The following SP140L variants were observed in gnomAD, a reference collection of about 807,000 sequenced individuals.
SP140L encodes nuclear body protein SP140-like protein.
Under a neutral mutation model 84.3 loss-of-function variants are expected in SP140L, and 64 were observed. The observed-to-expected ratio is 0.76, with a 90% CI of 0.62 to 0.94. SP140L has a LOEUF of 0.94. SP140L is among the 40% of genes least tolerant of loss of function. The probability of loss-of-function intolerance (pLI) is 0.00; values close to 1 mark genes in which losing one functional copy is unlikely to be tolerated. For synonymous variants in SP140L, 242 were observed against 236.9 expected (o/e 1.02, Z -0.20); for missense variants, 628 against 692.5 (o/e 0.91, Z 1.05).
At chr2:230,381,621 C>A (rs775874947) in intron 7 of SP140L, among the ~76,000 whole-genome samples, 8 of 151,640 alleles carry the variant, frequency 5.3e-5, no homozygotes, top group Non-Finnish European at 8.8e-5. Context: ...TTTGGGAGAC[C>A]AAGGCAGAAG....
rs77084472 is a variant in SP140L at position 230,399,580 on chromosome 2, G to A, written c.1198-547G>A. Among the ~76,000 whole-genome samples, 522 of 152,272 alleles carry A rather than the reference G, an allele frequency of 3.4e-3. 3 individuals carry two copies. Among genetic ancestry groups the A allele is most frequent in the African/African-American group, 0.012 (506 of 41,556 alleles). ...GCCCACCTGGTCATGTGTACTCATGGTCCTTCCCCCTCAAAGGTAGGTGCA... is the reference window on the plus strand; with the variant it reads ...GCCCACCTGGTCATGTGTACTCATGATCCTTCCCCCTCAAAGGTAGGTGCA... On this transcript the variant is annotated intron_variant, in intron 14 of 18. Transcript: ENST00000415673.
chr2:230,336,606 T>C (rs1360340271), intron 2 of SP140L, among the ~76,000 whole-genome samples: 3 of 152,224 alleles, frequency 2.0e-5, no homozygotes. Context: ...TTATAACCTC[T>C]TCATTACACA....
At chr2:230,388,889 C>T in intron 10 of SP140L, 1 of 341,496 alleles carries the variant, frequency 2.9e-6, no homozygotes. Flanking sequence ...TGATAAATTT[C>T]AAGGCTGAAG....
At chr2:230,366,092 C>T (rs1475113458) in intron 5 of SP140L, among the ~76,000 whole-genome samples, 2 of 152,048 alleles carry the variant, frequency 1.3e-5, no homozygotes, top group Admixed American at 1.3e-4. Context: ...ATATTTCACT[C>T]CTGTAGAATA....
intron 14 of SP140L, among the ~76,000 whole-genome samples, chr2:230,398,867 G>A (rs2062180539): frequency 6.6e-6 from 1 of 152,216 alleles, no homozygotes. Flanking sequence ...GAGTGTGATT[G>A]GCTTGTTTGA....
chr2:230,334,989 TTC>T (rs1437818835), intron 2 of SP140L, among the ~76,000 whole-genome samples: 8 of 152,094 alleles, frequency 5.3e-5, no homozygotes, highest in African/African-American at 1.9e-4. Context: ...GTATCGAAAT[TTC>T]TCTTATAAAG....
intron 5 of SP140L, among the ~76,000 whole-genome samples, chr2:230,363,052 A>G (rs1215643087): frequency 6.6e-6 from 1 of 152,174 alleles, no homozygotes; most frequent in Non-Finnish European, 1.5e-5. Context: ...TCAGCTTTAC[A>G]ATGGCTTTAT....
intron 2 of SP140L, among the ~76,000 whole-genome samples, chr2:230,341,312 G>A (rs1456113094): frequency 4.3e-5 from 6 of 138,978 alleles, no homozygotes; most frequent in Non-Finnish European, 6.2e-5. Flanking sequence ...CATTCTTCAC[G>A]TAGTTCTCGA....
chr2:230,384,489 T>G (rs1361160398), intron 8 of SP140L, among the ~76,000 whole-genome samples: 4 of 152,244 alleles, frequency 2.6e-5, no homozygotes, highest in Non-Finnish European at 5.9e-5. Flanking sequence ...AGAGTCCTAT[T>G]GAAAATTGTT....
rs776764928 is a variant in SP140L, at chr2:230,385,216, A to G, written c.704-8A>G. On this transcript the variant is annotated splice_polypyrimidine_tract_variant and splice_region_variant and intron_variant, in intron 8 of 18. Coordinates refer to ENST00000415673, the MANE Select transcript of SP140L (RefSeq NM_138402.6). The stretch of plus-strand genomic sequence containing the variant: ...TCTATTAATACATTTTCCCTTGCCT[A>G]TCCCCAGATAACAGCAAAGCCGATG... 1.9e-6 allele frequency: 3 copies of G among 1,613,180 alleles called. No homozygotes were observed. Among genetic ancestry groups the G allele is most frequent in the African/African-American group, 2.7e-5 (2 of 74,852 alleles).
At chr2:230,341,542 T>C (rs1192205161) in intron 2 of SP140L, among the ~76,000 whole-genome samples, 4 of 151,572 alleles carry the variant, frequency 2.6e-5, no homozygotes, top group African/African-American at 7.3e-5. Context: ...TGAGGAACTG[T>C]GTTCCTTTGG....
Position 230,357,954 on chromosome 2 carries a change from A to G in SP140L, c.257A>G (p.Asn86Ser). ...CTCCGCGATCGGGAACTCATCACAA[A>G]TAAAATGTTTGAAGTAAGTAAAGTT... ...EGLRDRELIT[N>S]KMFEDSEDSC... The change falls in exon 3 of 19, where the codon AAT becomes AGT. Residue 86 changes from asparagine (N) to serine (S), a missense_variant. Physicochemically the swap from Asn to Ser is conservative, Grantham distance 46 (BLOSUM62 1). Around this residue, in one of 4 missense-constraint regions of SP140L, gnomAD observed 525 missense variants for 518.4 expected, o/e 1.01. Coordinates refer to ENST00000415673, the MANE Select transcript of SP140L (RefSeq NM_138402.6). 6.2e-7 allele frequency: 1 copy of G among 1,613,042 alleles called. No homozygotes were observed. The highest frequency in any genetic ancestry group is 2.2e-5 in the East Asian group (1 of 44,876).
At chr2:230,387,584 T>A (rs762097781) in intron 9 of SP140L, among the ~76,000 whole-genome samples, 14 of 152,176 alleles carry the variant, frequency 9.2e-5, no homozygotes, top group Non-Finnish European at 1.6e-4. Context: ...GGAAAATATT[T>A]TTCCATGGGG....
rs1329680957 is a variant in SP140L at position 230,370,929 on chromosome 2, A to G, written c.545A>G (p.Glu182Gly). The G allele has an allele frequency of 1.9e-6, 3 of 1,613,776 alleles. No homozygotes were observed. The South Asian group carries it at 3.3e-5, about 18-fold the overall frequency. The change falls in exon 6 of 19, where the codon GAA (glutamate) becomes GGA (glycine). Residue 182 changes from glutamate (E) to glycine (G), a missense_variant. Around this residue, in one of 4 missense-constraint regions of SP140L, gnomAD observed 525 missense variants for 518.4 expected, o/e 1.01. Coordinates refer to ENST00000415673, the MANE Select transcript of SP140L (RefSeq NM_138402.6). The stretch of plus-strand genomic sequence containing the variant: ...TCAGGAGAAGTGCCAGAAAGCCCGG[A>G]AGCAAGGAAGGAAAGTGACCAAGCA... ...LKQGEVPESPEARKESDQACG... is the reference protein window; with the variant it reads ...LKQGEVPESPGARKESDQACG...
At chr2:230,362,516 G>A (rs1292486021) in intron 5 of SP140L, among the ~76,000 whole-genome samples, 1 of 151,976 alleles carries the variant, frequency 6.6e-6, no homozygotes, top group Non-Finnish European at 1.5e-5. Context: ...GAGGATGTAG[G>A]TATTGAGAGA....
At chr2:230,382,772 A>G (rs1436767603) in intron 7 of SP140L, among the ~76,000 whole-genome samples, 1 of 152,208 alleles carries the variant, frequency 6.6e-6, no homozygotes, top group Non-Finnish European at 1.5e-5. Flanking sequence ...CGGGAAGGAG[A>G]TGATCCCTTT....
At chr2:230,389,788 C>A in intron 10 of SP140L, 131 bp from the exon 11 acceptor site, 1 of 896,600 alleles carries the variant, frequency 1.1e-6, no homozygotes, top group Non-Finnish European at 1.7e-6. Context: ...GGAAGAAAGA[C>A]TTTGAAACTC....
chr2:230,380,825 A>G (rs2061380297), intron 7 of SP140L, among the ~76,000 whole-genome samples: 1 of 152,102 alleles, frequency 6.6e-6, no homozygotes, highest in Non-Finnish European at 1.5e-5. Context: ...GTTTGTTTTC[A>G]TTGCTAGTGT....
intron 4 of SP140L, among the ~76,000 whole-genome samples, chr2:230,359,991 G>GGTGCTATACCAA (rs1274167276): frequency 2.6e-5 from 4 of 151,904 alleles, no homozygotes; most frequent in Admixed American, 6.5e-5. Context: ...CTAAAGTTTT[G>GGTGCTATACCAA]ATTCTTGACT....
Sources: allele counts gnomAD v4.1 joint callset (sites outside exome capture counted in the v4.1 genomes callset), GRCh38; gene constraint gnomAD v4.1.1; regional missense constraint gnomAD v4.1.1; transcripts MANE v1.5; gene names NCBI Gene and HGNC (gene_info 2026-07-23, HGNC 2026-07-21).